RRP12: variants seen among roughly 807,000 people sequenced by gnomAD.
RRP12 encodes RRP12-like protein.
A neutral mutation model predicts 157.3 loss-of-function variants in RRP12; 78 were observed. The ratio of observed to expected loss-of-function variants is 0.50; its 90% CI spans 0.41 to 0.60. The LOEUF is 0.60. RRP12 is among the 20% of genes least tolerant of loss of function. The probability of loss-of-function intolerance (pLI) is 0.00; values close to 1 mark genes in which losing one functional copy is unlikely to be tolerated. For synonymous variants in RRP12, 726 were observed against 670.9 expected (o/e 1.08, Z -1.27); for missense variants, 1,521 against 1,679.9 (o/e 0.91, Z 1.65).
At chr10:97,371,277 TG>T in intron 20 of RRP12, 196 bp from the exon 21 acceptor site, 1 of 622,416 alleles carries the variant, frequency 1.6e-6, no homozygotes, top group Non-Finnish European at 2.8e-6. Context: ...GTGTGTGCCG[TG>T]GGGCCCACCA....
In RRP12 at chr10:97,366,114, C is replaced by A. The variant is rs371777634; in HGVS notation, c.3511G>T (p.Ala1171Ser). 6.2e-7 allele frequency: 1 copy of A among 1,603,100 alleles called. No individual in the cohort carries two copies. Among genetic ancestry groups the A allele is most frequent in the South Asian group, 1.1e-5 (1 of 91,044 alleles). The change falls in exon 29 of 34, where the codon GCC (alanine) becomes TCC (serine). Residue 1171 changes from alanine to serine, a missense_variant. Ala to Ser is a moderately conservative substitution (Grantham distance 99). Coordinates refer to ENST00000370992, the MANE Select transcript of RRP12 (RefSeq NM_015179.4). ...DGNKMEEEEG[A>S]KGEDEEMADP... is the part of the protein sequence containing the mutation. Reference sequence around the variant, plus strand: ...ACAAGCGCGTTGGGCCCACCTTTGGCACCTTCCTCTTCCTCCATCTTGTTG... The same window carrying A: ...ACAAGCGCGTTGGGCCCACCTTTGGAACCTTCCTCTTCCTCCATCTTGTTG...
At chr10:97,371,149 C>T in intron 20 of RRP12, 68 bp from the exon 21 acceptor site, 1 of 1,514,128 alleles carries the variant, frequency 6.6e-7, no homozygotes, top group Non-Finnish European at 9.0e-7. Flanking sequence ...CACGGAGCAT[C>T]CCCCAGCACT....
chr10:97,357,344 G>A (rs925702569), intron 33 of RRP12, 148 bp from the exon 34 acceptor site: 8 of 562,200 alleles, frequency 1.4e-5, no homozygotes, highest in South Asian at 2.2e-5. Flanking sequence ...CAGACCTCAC[G>A]TGGTTCCAGC....
At chr10:97,378,241 G>T (rs10882909) in intron 15 of RRP12, among the ~76,000 whole-genome samples, 1 of 151,962 alleles carries the variant, frequency 6.6e-6, no homozygotes, top group African/African-American at 2.4e-5. Flanking sequence ...TCGCTTGACA[G>T]GGTGCGTTCT....
At chr10:97,385,393 T>C in intron 9 of RRP12, 136 bp from the exon 10 acceptor site, 1 of 677,556 alleles carries the variant, frequency 1.5e-6, no homozygotes, top group South Asian at 1.9e-5. Flanking sequence ...CCCCCTTGGC[T>C]TTCCCAGCTC....
chr10:97,369,733 G>T, intron 24 of RRP12, 151 bp from the exon 25 acceptor site: 1 of 824,972 alleles, frequency 1.2e-6, no homozygotes, highest in Non-Finnish European at 1.9e-6. Flanking sequence ...ACGCTCCATG[G>T]AGTGGTCTTG....
At chr10:97,399,437 G>C (rs552287149) in intron 2 of RRP12, among the ~76,000 whole-genome samples, 3 of 152,048 alleles carry the variant, frequency 2.0e-5, no homozygotes, top group African/African-American at 4.8e-5. Flanking sequence ...CTCTGTGAAT[G>C]ATTCAAGTTG....
chr10:97,359,108 G>C, intron 31 of RRP12, 98 bp from the exon 32 acceptor site: 1 of 852,930 alleles, frequency 1.2e-6, no homozygotes. Flanking sequence ...CAAGGGAGCA[G>C]ATGAGTGAAG....
At chr10:97,357,254 G>A in intron 33 of RRP12, 58 bp from the exon 34 acceptor site, 2 of 1,108,464 alleles carry the variant, frequency 1.8e-6, no homozygotes, top group Non-Finnish European at 2.7e-6. Flanking sequence ...GCCCCCTCCT[G>A]TTGCCAAATG....
In RRP12 at chr10:97,370,935, T is replaced by C; in HGVS notation, c.2490A>G (p.Ser830=). 6.2e-7 allele frequency: 1 copy of C among 1,613,650 alleles called. No homozygotes were observed. Among genetic ancestry groups the C allele is most frequent in the Non-Finnish European group, 8.5e-7 (1 of 1,179,894 alleles). ...TLLDSLRSTS[S]PAKRPRLKCL... The stretch of plus-strand genomic sequence containing the variant: ...CTAGAGCCCTCACCCTCTTGGCGGG[T>C]GAGGAGGTGCTCCGCAGCGAGTCCA... Residue 830 remains serine, a synonymous_variant, in exon 21 of 34, where the codon TCA becomes TCG. Coordinates refer to ENST00000370992, the MANE Select transcript of RRP12 (RefSeq NM_015179.4).
At chr10:97,376,983 C>T (rs1844327854) in intron 15 of RRP12, among the ~76,000 whole-genome samples, 1 of 151,246 alleles carries the variant, frequency 6.6e-6, no homozygotes. Flanking sequence ...AGAGTCCAAG[C>T]GTTCTCCTGC....
intron 3 of RRP12, among the ~76,000 whole-genome samples, chr10:97,394,563 T>C (rs953875700): frequency 1.3e-5 from 2 of 152,074 alleles, no homozygotes; most frequent in Non-Finnish European, 2.9e-5. Flanking sequence ...CTAATTATTT[T>C]ATTTTTTGTA....
At chr10:97,371,975 A>C in intron 20 of RRP12, 98 bp downstream of exon 20, 4 of 735,030 alleles carry the variant, frequency 5.4e-6, no homozygotes, top group South Asian at 1.7e-5. Context: ...GATCTCGGGA[A>C]GCAGCAAGGG....
intron 4 of RRP12, 91 bp from the exon 5 acceptor site, chr10:97,390,935 G>C: frequency 2.4e-6 from 2 of 818,494 alleles, no homozygotes; most frequent in South Asian, 1.4e-5. Context: ...CAGGGCAAGG[G>C]GCGCTGGTGG....
At position 97,366,024 on chromosome 10, in the gene RRP12, G is replaced by A. The variant is rs1053905050; in HGVS notation, c.3517+84C>T. ...GCCGAGAGAAGAGTTTCTCTGGTCT[G>A]TTTTTAGCCACGCTTCCTCAGCAAG... On this transcript the variant is annotated intron_variant, in intron 29 of 33. Coordinates refer to ENST00000370992, the MANE Select transcript of RRP12 (RefSeq NM_015179.4). 1.5e-5 allele frequency: 23 copies of A among 1,579,490 alleles called. No homozygotes were observed. The African/African-American group carries it at 3.1e-4, about 21-fold the overall frequency.
intron 6 of RRP12, 82 bp from the exon 7 acceptor site, chr10:97,388,706 T>G: frequency 6.5e-7 from 1 of 1,540,132 alleles, no homozygotes; most frequent in Non-Finnish European, 8.8e-7. Context: ...CACCAACCAA[T>G]TAGCTTTGGC....
chr10:97,393,225 C>T (rs1844858065), intron 4 of RRP12: 1 of 451,356 alleles, frequency 2.2e-6, no homozygotes, highest in Admixed American at 2.4e-5. Flanking sequence ...TTGCCTTCAA[C>T]ACTTTCACAA....
rs770597752 is a variant in RRP12 at position 97,401,061 on chromosome 10, C to G, written c.139+32G>C. On this transcript the variant is annotated intron_variant, in intron 1 of 33. Coordinates refer to ENST00000370992, the MANE Select transcript of RRP12 (RefSeq NM_015179.4). Reference sequence around the variant, plus strand: ...GACCCAGGTCTGCCTGGAACCCCGCCCCCGGCTGCGCTCGGGTCTCAACCC... The same window carrying G: ...GACCCAGGTCTGCCTGGAACCCCGCGCCCGGCTGCGCTCGGGTCTCAACCC... 6.2e-6 allele frequency: 10 copies of G among 1,608,082 alleles called. No individual in the cohort carries two copies. In the Admixed American group the frequency reaches 1.7e-4, roughly 27 times the overall value.
At chr10:97,400,778 G>A (rs1452789624) in intron 1 of RRP12, among the ~76,000 whole-genome samples, 1 of 152,118 alleles carries the variant, frequency 6.6e-6, no homozygotes, top group Non-Finnish European at 1.5e-5. Flanking sequence ...GAATCGGCTG[G>A]GAGCTACATT....
Sources: allele counts gnomAD v4.1 joint callset (sites outside exome capture counted in the v4.1 genomes callset), GRCh38; gene constraint gnomAD v4.1.1; transcripts MANE v1.5; gene names NCBI Gene and HGNC (gene_info 2026-07-23, HGNC 2026-07-21).